SPIDR: variants seen among roughly 807,000 people sequenced by gnomAD.
SPIDR encodes DNA repair-scaffolding protein.
SPIDR carries 93 observed loss-of-function variants against 104.6 expected under a neutral mutation model. That is an observed-to-expected ratio of 0.89 (90% CI 0.75 to 1.06). The LOEUF is 1.06. Among genes scored for constraint, SPIDR ranks in the 50% least tolerant of loss-of-function variants. The pLI, the probability that SPIDR is intolerant of heterozygous loss-of-function variation, is 0.00. For synonymous variants in SPIDR, 431 were observed against 416.9 expected (o/e 1.03, Z -0.41); for missense variants, 1,154 against 1,111.2 (o/e 1.04, Z -0.55).
chr8:47,309,631 CCT>C (rs1264228227), intron 5 of SPIDR, among the ~76,000 whole-genome samples: 7 of 152,148 alleles, frequency 4.6e-5, no homozygotes, highest in Non-Finnish European at 1.0e-4. Flanking sequence ...CCTTCATTCC[CCT>C]CTTTCTTCTC....
chr8:47,670,915 A>T (rs1465495587), intron 10 of SPIDR, among the ~76,000 whole-genome samples: 2 of 151,938 alleles, frequency 1.3e-5, no homozygotes, highest in Admixed American at 1.3e-4. Context: ...AAATCATTTT[A>T]TTTGTTTTTT....
chr8:47,351,610 C>A (rs1156464792), intron 5 of SPIDR, among the ~76,000 whole-genome samples: 2 of 152,038 alleles, frequency 1.3e-5, no homozygotes, highest in African/African-American at 2.4e-5. Flanking sequence ...TACAGTTAGC[C>A]CTCCATATCC....
At chr8:47,587,649 A>C (rs1478909743) in intron 8 of SPIDR, among the ~76,000 whole-genome samples, 1 of 149,512 alleles carries the variant, frequency 6.7e-6, no homozygotes, top group Non-Finnish European at 1.5e-5. Flanking sequence ...GGTGCTGAGC[A>C]TGGTGGTGCA....
rs149131607 is a variant in SPIDR, at chr8:47,357,379, C to T, written c.526-38997C>T. Among the ~76,000 whole-genome samples, 15 of 152,262 alleles carry T rather than the reference C, an allele frequency of 9.9e-5. No individual in the cohort carries two copies. In the East Asian group the frequency reaches 1.9e-3, roughly 20 times the overall value. On this transcript the variant is annotated intron_variant, in intron 5 of 19. Transcript: ENST00000297423. ...GAACTCGCTCTGCTTATCTGTCCTG[C>T]GTGGGAGATGGCAGCACTCTGCCCT...
At chr8:47,586,298 G>T (rs965691981) in intron 8 of SPIDR, among the ~76,000 whole-genome samples, 3 of 151,766 alleles carry the variant, frequency 2.0e-5, no homozygotes, top group Admixed American at 6.6e-5. Flanking sequence ...GTTTTGTGGG[G>T]TTTTTTTTCC....
rs201038403 is a variant in SPIDR at position 47,386,902 on chromosome 8, GAGATATAGATATAGATAT to G, written c.526-9426_526-9409del. 8.8e-3 allele frequency among the ~76,000 whole-genome samples: 873 copies of G among 99,350 alleles called. 18 individuals are homozygous for G. Among genetic ancestry groups the G allele is most frequent in the African/African-American group, 0.027 (675 of 25,380 alleles). The allele number at this position is 99,350 out of a possible 152,430, so 65.2% of individuals were successfully genotyped here. A position where few individuals can be genotyped will look rare whatever the true frequency, so the allele number is the denominator to read the frequency against. ...GGAGAGAGAGAGAGAAAGAGAGAGA[GAGATATAGATATAGATAT>G]AGATATAGATATAGATATAGATATA... On this transcript the variant is annotated intron_variant, in intron 5 of 19. Transcript: ENST00000297423.
At chr8:47,330,825 G>GT (rs1554604037) in intron 5 of SPIDR, 2 of 456,170 alleles carry the variant, frequency 4.4e-6, no homozygotes, top group South Asian at 3.1e-5. Context: ...ACATTTGGAA[G>GT]TTTCCGTGTG....
At chr8:47,509,890 A>G (rs1292416678) in intron 8 of SPIDR, among the ~76,000 whole-genome samples, 1 of 152,012 alleles carries the variant, frequency 6.6e-6, no homozygotes, top group African/African-American at 2.4e-5. Flanking sequence ...CACACATCAC[A>G]TACCACTTAT....
intron 10 of SPIDR, among the ~76,000 whole-genome samples, chr8:47,634,094 C>CAA (rs796453026): frequency 6.3e-5 from 5 of 79,054 alleles, no homozygotes; most frequent in African/African-American, 1.9e-4. Context: ...GACCCTGTCT[C>CAA]AAAAAAAAAA....
At chr8:47,606,726 C>T (rs1326678415) in intron 10 of SPIDR, among the ~76,000 whole-genome samples, 1 of 152,160 alleles carries the variant, frequency 6.6e-6, no homozygotes, top group Non-Finnish European at 1.5e-5. Context: ...AAAAGCTGGT[C>T]AGCTGTGGCA....
chr8:47,587,343 C>T (rs943600716), intron 8 of SPIDR, among the ~76,000 whole-genome samples: 5 of 152,012 alleles, frequency 3.3e-5, no homozygotes, highest in African/African-American at 9.7e-5. Context: ...TGGTAGGCTG[C>T]GCACAGGGGC....
At chr8:47,551,703 G>C (rs760633399) in intron 8 of SPIDR, among the ~76,000 whole-genome samples, 3 of 151,728 alleles carry the variant, frequency 2.0e-5, no homozygotes, top group Non-Finnish European at 2.9e-5. Context: ...CAATTTTGTC[G>C]ATCATTTCAA....
intron 8 of SPIDR, among the ~76,000 whole-genome samples, chr8:47,496,507 A>G (rs1340398946): frequency 2.0e-5 from 3 of 152,046 alleles, no homozygotes; most frequent in African/African-American, 7.2e-5. Context: ...ATTGAGTTTC[A>G]AGTGGTAAAG....
intron 8 of SPIDR, among the ~76,000 whole-genome samples, chr8:47,579,363 C>T (rs1444435712): frequency 1.3e-5 from 2 of 152,148 alleles, no homozygotes; most frequent in African/African-American, 4.8e-5. Flanking sequence ...TCTTGAGAAC[C>T]AGAATTATGA....
At chr8:47,385,236 A>AT (rs1331625303) in intron 5 of SPIDR, among the ~76,000 whole-genome samples, 1 of 151,960 alleles carries the variant, frequency 6.6e-6, no homozygotes, top group African/African-American at 2.4e-5. Context: ...GTTCTTCTGT[A>AT]TTTTTTTGTT....
intron 1 of SPIDR, among the ~76,000 whole-genome samples, chr8:47,278,446 A>G (rs2037044762): frequency 6.6e-6 from 1 of 152,036 alleles, no homozygotes; most frequent in African/African-American, 2.4e-5. Flanking sequence ...CAGCCTCCCA[A>G]GTTGCTGGAA....
At chr8:47,632,344 A>G (rs1268495889) in intron 10 of SPIDR, among the ~76,000 whole-genome samples, 1 of 152,174 alleles carries the variant, frequency 6.6e-6, no homozygotes, top group South Asian at 2.1e-4. Flanking sequence ...GCAAAATGCA[A>G]GCAACATTGC....
intron 5 of SPIDR, chr8:47,388,295 G>A (rs959414680): frequency 6.5e-6 from 1 of 153,192 alleles, no homozygotes; most frequent in Non-Finnish European, 1.5e-5. Flanking sequence ...CCTTGTACAT[G>A]GTGTGTACTG....
intron 14 of SPIDR, among the ~76,000 whole-genome samples, chr8:47,704,066 A>G (rs2080723144): frequency 6.6e-6 from 1 of 152,232 alleles, no homozygotes; most frequent in Admixed American, 6.5e-5. Flanking sequence ...TTTAGGTGAT[A>G]TGTTAGTAAC....
Sources: gnomAD v4.1 joint callset for allele counts (sites outside exome capture counted in the v4.1 genomes callset) on GRCh38, gnomAD v4.1.1 for gene constraint, MANE v1.5 for transcripts, NCBI Gene and HGNC (gene_info 2026-07-23, HGNC 2026-07-21) for gene names.